BCKDHB: variants seen among roughly 807,000 people sequenced by gnomAD.
BCKDHB encodes the protein branched chain keto acid dehydrogenase E1 subunit beta, also known as 2-oxoisovalerate dehydrogenase subunit beta, mitochondrial.
BCKDHB carries 41 observed loss-of-function variants against 48.5 expected under a neutral mutation model. The ratio of observed to expected loss-of-function variants is 0.85; its 90% CI spans 0.66 to 1.10. BCKDHB has a LOEUF of 1.10. BCKDHB is among the 50% of genes least tolerant of loss of function. The pLI is 0.00. For synonymous variants in BCKDHB, 201 were observed against 174.8 expected, an observed-to-expected ratio of 1.15 and a Z score of -1.18; for missense variants, 496 against 494.2, an observed-to-expected ratio of 1.00 and a Z score of -0.03.
intron 8 of BCKDHB, among the ~76,000 whole-genome samples, chr6:80,241,588 C>T (rs191686436): frequency 1.8e-4 from 28 of 152,196 alleles, no homozygotes; most frequent in African/African-American, 6.0e-4. Context: ...GCGGAGGGTG[C>T]AGAGCAGCAA....
chr6:80,374,227 C>A, the BCKDHB span: 1 of 740,968 alleles, frequency 1.3e-6, no homozygotes, highest in South Asian at 1.3e-5. Flanking sequence ...TGGATATGCT[C>A]AATGGCCAGA....
intron 9 of BCKDHB, among the ~76,000 whole-genome samples, chr6:80,295,661 A>G (rs960796435): frequency 2.6e-5 from 4 of 152,048 alleles, no homozygotes; most frequent in African/African-American, 4.8e-5. Context: ...ACTTACACTA[A>G]TAAGTATATT....
chr6:80,134,027 G>A (rs1202335433), intron 3 of BCKDHB, among the ~76,000 whole-genome samples: 1 of 152,174 alleles, frequency 6.6e-6, no homozygotes, highest in Non-Finnish European at 1.5e-5. Context: ...TTCTCTGAGA[G>A]AGAGAGAAAG....
At chr6:80,317,567 G>A (rs1269494105) in intron 9 of BCKDHB, among the ~76,000 whole-genome samples, 1 of 152,220 alleles carries the variant, frequency 6.6e-6, no homozygotes, top group African/African-American at 2.4e-5. Context: ...TTAAAGGCAT[G>A]TGATTAGGTT....
At chr6:80,449,840 G>A in the BCKDHB span, among the ~76,000 whole-genome samples, 1 of 152,120 alleles carries the variant, frequency 6.6e-6, no homozygotes, top group Non-Finnish European at 1.5e-5. Context: ...CTAAAAAACA[G>A]TTCATAGAGT....
the BCKDHB span, among the ~76,000 whole-genome samples, chr6:80,443,787 G>A: frequency 6.6e-6 from 1 of 152,058 alleles, no homozygotes. Flanking sequence ...GGGATTACAG[G>A]CTATTCACCA....
chr6:80,177,585 TA>T (rs1254508868), intron 6 of BCKDHB, among the ~76,000 whole-genome samples: 1 of 152,108 alleles, frequency 6.6e-6, no homozygotes, highest in African/African-American at 2.4e-5. Context: ...ATTTTGCTGA[TA>T]AAAAAGTGAT....
chr6:80,421,547 A>G, the BCKDHB span, among the ~76,000 whole-genome samples: 2 of 152,166 alleles, frequency 1.3e-5, no homozygotes, highest in Admixed American at 1.3e-4. Context: ...CTTCCTAAAG[A>G]CTTGTTGAAT....
the BCKDHB span, among the ~76,000 whole-genome samples, chr6:80,392,384 ACTTTC>A: frequency 6.6e-6 from 1 of 150,822 alleles, no homozygotes; most frequent in African/African-American, 2.5e-5. Flanking sequence ...TTTATTTTGA[ACTTTC>A]CTTTATTAAC....
intron 9 of BCKDHB, among the ~76,000 whole-genome samples, chr6:80,338,826 A>T (rs188958927): frequency 2.6e-5 from 4 of 152,326 alleles, no homozygotes; most frequent in African/African-American, 7.2e-5. Flanking sequence ...TAGAGGCAAG[A>T]TAACAATAGA....
intron 8 of BCKDHB, among the ~76,000 whole-genome samples, chr6:80,246,623 C>T (rs1776626536): frequency 6.6e-6 from 1 of 152,186 alleles, no homozygotes; most frequent in African/African-American, 2.4e-5. Flanking sequence ...GCTTTCAGCT[C>T]ATTCTAACCT....
intron 9 of BCKDHB, among the ~76,000 whole-genome samples, chr6:80,332,754 A>G (rs1201606643): frequency 6.7e-6 from 1 of 150,284 alleles, no homozygotes; most frequent in East Asian, 2.0e-4. Context: ...CCATATGTTC[A>G]CCATCAAATC....
chr6:80,195,173 T>G (rs879216073), intron 6 of BCKDHB, among the ~76,000 whole-genome samples: 4 of 152,132 alleles, frequency 2.6e-5, no homozygotes, highest in African/African-American at 9.7e-5. Context: ...ATTTTTTTTT[T>G]GATTACTTGG....
At position 80,248,224 on chromosome 6, in the gene BCKDHB, C is replaced by T. The variant is rs143886019; in HGVS notation, c.952-24911C>T. 2.6e-5 allele frequency among the ~76,000 whole-genome samples: 4 copies of T among 152,244 alleles called. No homozygotes were observed. The South Asian group carries it at 6.2e-4, about 24-fold the overall frequency. ...GAGTCAGCACCACAGTGTCCAAGGTCATCTGTTGTCTTAGCATCTTTTCCA... is the reference window on the plus strand; with the variant it reads ...GAGTCAGCACCACAGTGTCCAAGGTTATCTGTTGTCTTAGCATCTTTTCCA... On this transcript the variant is annotated intron_variant, in intron 8 of 9. Transcript: ENST00000320393.
the BCKDHB span, among the ~76,000 whole-genome samples, chr6:80,403,268 T>C: frequency 6.6e-6 from 1 of 151,896 alleles, no homozygotes; most frequent in Non-Finnish European, 1.5e-5. Context: ...GTTTAATTTC[T>C]TTCATCAGTG....
chr6:80,410,468 TA>T, the BCKDHB span, among the ~76,000 whole-genome samples: 7 of 152,322 alleles, frequency 4.6e-5, no homozygotes, highest in South Asian at 1.4e-3. Flanking sequence ...GTGTTCTCTA[TA>T]TTTCCTGAAT....
intron 8 of BCKDHB, among the ~76,000 whole-genome samples, chr6:80,227,079 G>A (rs888762990): frequency 2.0e-5 from 3 of 152,054 alleles, no homozygotes; most frequent in Non-Finnish European, 4.4e-5. Flanking sequence ...CACCTCTCTG[G>A]ATACTTTAGT....
chr6:80,192,962 G>A (rs1371963330), intron 6 of BCKDHB, among the ~76,000 whole-genome samples: 1 of 151,842 alleles, frequency 6.6e-6, no homozygotes, highest in African/African-American at 2.4e-5. Context: ...GGGATTACAG[G>A]CACGTGCCAC....
the BCKDHB span, among the ~76,000 whole-genome samples, chr6:80,449,225 T>G: frequency 7.0e-4 from 106 of 152,314 alleles, 1 homozygote; most frequent in East Asian, 0.02. Flanking sequence ...GAAACGAAAT[T>G]GATTTTACTG....
Sources: allele counts gnomAD v4.1 joint callset (sites outside exome capture counted in the v4.1 genomes callset), GRCh38; gene constraint gnomAD v4.1.1; transcripts MANE v1.5; gene names NCBI Gene and HGNC (gene_info 2026-07-23, HGNC 2026-07-21).